KAT2A: variants seen among roughly 807,000 people sequenced by gnomAD.
KAT2A encodes histone acetyltransferase KAT2A.
A neutral mutation model predicts 95.2 loss-of-function variants in KAT2A; 42 were observed. The observed-to-expected ratio is 0.44, with a 90% CI of 0.34 to 0.57. KAT2A has a LOEUF of 0.57. Among genes scored for constraint, KAT2A ranks in the 20% least tolerant of loss-of-function variants. The pLI is 0.01. For missense variants in KAT2A, 784 were observed against 1,126.3 expected, an observed-to-expected ratio of 0.70 and a Z score of 4.35; for synonymous variants, 449 against 448.2, an observed-to-expected ratio of 1.00 and a Z score of -0.02.
In KAT2A at chr17:42,119,796, T is replaced by C. The variant is rs2054309903; in HGVS notation, c.700-78A>G. 1.6e-6 allele frequency: 2 copies of C among 1,283,144 alleles called. No individual in the cohort carries two copies. 79.5% of individuals were successfully genotyped at this position (1,283,144 alleles called of 1,614,324 possible). The stretch of plus-strand genomic sequence containing the variant: ...CAGGGCCTTCTTAGACAAAGGAAGA[T>C]GCTCCCTGGCCAGGGACAAGGTTCT... On this transcript the variant is annotated intron_variant, in intron 4 of 17. Transcript: ENST00000225916. The surrounding 1 kb of genome is among the most constrained non-coding windows in gnomAD (Gnocchi z 5.3).
rs200535317 is a variant in KAT2A, at chr17:42,113,697, C to T, written c.2466G>A (p.Glu822=). 18 of 1,611,560 alleles carry T rather than the reference C, an allele frequency of 1.1e-5. No homozygotes were observed. In the African/African-American group the frequency reaches 2.3e-4, roughly 20 times the overall value. Residue 822 remains glutamate (E), a synonymous_variant, in exon 18 of 18, where the codon GAG becomes GAA. Coordinates refer to ENST00000225916, the MANE Select transcript of KAT2A (RefSeq NM_021078.3). ...SEYCRCASAL[E]KFFYFKLKEG... ...CCTTGAGCTTGAAGTAGAAGAACTT[C>T]TCCAGGGCGCTGGCACAGCGGCAGT...
chr17:42,117,426 G>A lies in KAT2A; in HGVS notation c.1599C>T (p.Arg533=). The stretch of plus-strand genomic sequence containing the variant: ...GGCGGGCGATATACTCCTTAGGCAT[G>A]CGCGGCAGCTGGTGGGAAAAGACAT... The part of the protein sequence containing the change: ...LQNVFSHQLP[R]MPKEYIARLV... The change falls in exon 10 of 18, where the codon CGC becomes CGT. Residue 533 remains arginine (R), a synonymous_variant. Transcript: ENST00000225916. The surrounding 1 kb of genome is among the most constrained non-coding windows in gnomAD (Gnocchi z 8.9). The A allele has an allele frequency of 6.2e-7, 1 of 1,613,628 alleles. No homozygotes were observed.
rs2054311685 is a variant in KAT2A at position 42,119,902 on chromosome 17, CA to C, written c.699+127del. On this transcript the variant is annotated intron_variant, in intron 4 of 17. Coordinates refer to ENST00000225916, the MANE Select transcript of KAT2A (RefSeq NM_021078.3). The surrounding 1 kb of genome is among the most constrained non-coding windows in gnomAD (Gnocchi z 5.3). Reference sequence around the variant, plus strand: ...CACCATGCCCACCCTGAGGTTAGCACAAAACACCCTTCCTTCTCTGAACCTC... The same window carrying C: ...CACCATGCCCACCCTGAGGTTAGCACAAACACCCTTCCTTCTCTGAACCTC... The C allele has an allele frequency of 9.5e-7, 1 of 1,049,682 alleles. No homozygotes were observed. Among genetic ancestry groups the C allele is most frequent in the African/African-American group, 1.6e-5 (1 of 64,020 alleles). The allele number at this position is 1,049,682 out of a possible 1,614,324, so 65.0% of individuals were successfully genotyped here.
Position 42,114,659 on chromosome 17 carries a change from C to A in KAT2A, c.2020-55G>T. 6.7e-7 allele frequency: 1 copy of A among 1,498,742 alleles called. No homozygotes were observed. The highest frequency in any genetic ancestry group is 1.1e-5 in the South Asian group (1 of 88,502). The allele number at this position is 1,498,742 out of a possible 1,614,324, so 92.8% of individuals were successfully genotyped here. ...CTCCAGCCCCAACAACAACCCCTCC[C>A]AGGGCCACAGTCGGAGCCACTGGCT... On this transcript the variant is annotated intron_variant, in intron 13 of 17. Coordinates refer to ENST00000225916, the MANE Select transcript of KAT2A (RefSeq NM_021078.3). The surrounding 1 kb of genome is among the most constrained non-coding windows in gnomAD (Gnocchi z 6.0).
chr17:42,121,151 C>A lies in KAT2A; in HGVS notation c.154G>T (p.Ala52Ser). 1 of 1,470,570 alleles carries A rather than the reference C, an allele frequency of 6.8e-7. No individual in the cohort carries two copies. The highest frequency in any genetic ancestry group is 9.0e-7 in the Non-Finnish European group (1 of 1,105,006). 91.1% of individuals were successfully genotyped at this position (1,470,570 alleles called of 1,614,324 possible). A position where few individuals can be genotyped will look rare whatever the true frequency, so the allele number is the denominator to read the frequency against. ...GTCCCTGTGCTGCCGGCTGGGGCTG[C>A]AGCTGGGGCAGGGGCTGGTGCCGGG... ...PTPAPAPAPA[A>S]APAGSTGTGG... is the part of the protein sequence containing the mutation. Residue 52 changes from alanine (A) to serine (S), a missense_variant, in exon 1 of 18, where the codon GCA (alanine) becomes TCA (serine). Transcript: ENST00000225916.
Position 42,114,697 on chromosome 17 carries a change from C to T in KAT2A, c.2020-93G>A. 14 of 1,244,510 alleles carry T rather than the reference C, an allele frequency of 1.1e-5. No homozygotes were observed. Among genetic ancestry groups the T allele is most frequent in the Non-Finnish European group, 1.6e-5 (14 of 866,922 alleles). The allele number at this position is 1,244,510 out of a possible 1,614,324, so 77.1% of individuals were successfully genotyped here. ...GGAGCCACTGGCTGCACCCACCCAG[C>T]TGCAACGCCACCTAATCCAGCACCT... is the stretch of plus-strand genomic sequence containing the variant. On this transcript the variant is annotated intron_variant, in intron 13 of 17. Transcript: ENST00000225916. The surrounding 1 kb of genome is among the most constrained non-coding windows in gnomAD (Gnocchi z 6.0).
intron 6 of KAT2A, among the ~76,000 whole-genome samples, chr17:42,118,887 C>G (rs1241319049): frequency 6.6e-6 from 1 of 152,172 alleles, no homozygotes; most frequent in Non-Finnish European, 1.5e-5. Context: ...CAGAAAAGAC[C>G]AGAACAGGAG....
chr17:42,120,667 A>T (rs2144043728), intron 2 of KAT2A, 39 bp downstream of exon 2: 1 of 1,612,414 alleles, frequency 6.2e-7, no homozygotes, highest in East Asian at 2.2e-5. Context: ...AGCAGGACCC[A>T]GCACCTGCCC....
Position 42,120,021 on chromosome 17 carries a change from CT to C in KAT2A, c.699+8del. 1 of 1,610,220 alleles carries C rather than the reference CT, an allele frequency of 6.2e-7. No homozygotes were observed. Among genetic ancestry groups the C allele is most frequent in the East Asian group, 2.2e-5 (1 of 44,874 alleles). ...CTCCTATCCGCTATCTCCAATTCCC[CT>C]ATCTCACCTGCTCAATATTAGGTTT... On this transcript the variant is annotated splice_region_variant and intron_variant, in intron 4 of 17. Coordinates refer to ENST00000225916, the MANE Select transcript of KAT2A (RefSeq NM_021078.3).
Position 42,118,122 on chromosome 17 carries a change from G to A in KAT2A, c.1181-105C>T, listed in dbSNP as rs2054288302. 3.7e-6 allele frequency: 3 copies of A among 817,396 alleles called. No individual in the cohort carries two copies. The Admixed American group carries it at 7.5e-5, about 20-fold the overall frequency. The allele number at this position is 817,396 out of a possible 1,614,324, so 50.6% of individuals were successfully genotyped here. On this transcript the variant is annotated intron_variant, in intron 7 of 17. Transcript: ENST00000225916. ...CTGAGGAGAGAGAGAGTCAGGGACG[G>A]GGGTGCTGAAGCTGAGGAGAGAGAG... is the stretch of plus-strand genomic sequence containing the variant.
intron 2 of KAT2A, 48 bp downstream of exon 2, chr17:42,120,658 G>C (rs1555667104): frequency 6.2e-7 from 1 of 1,611,720 alleles, no homozygotes; most frequent in Non-Finnish European, 8.5e-7. Flanking sequence ...CCCTGTCCAA[G>C]CAGGACCCAG....
At chr17:42,116,502 A>G (rs1435586313) in intron 11 of KAT2A, among the ~76,000 whole-genome samples, 1 of 152,086 alleles carries the variant, frequency 6.6e-6, no homozygotes, top group Non-Finnish European at 1.5e-5. Flanking sequence ...TGAATCACTT[A>G]AGGTCAGGAG....
chr17:42,119,512 C>A lies in KAT2A; in HGVS notation c.881+25G>T. 6.3e-7 allele frequency: 1 copy of A among 1,581,136 alleles called. No homozygotes were observed. The highest frequency in any genetic ancestry group is 1.2e-5 in the South Asian group (1 of 86,832). ...CCAGGCTGGGCCTGCAAGCCTCCCC[C>A]GAAGCTGCCCCTGGCTGGGCCTACC... is the stretch of plus-strand genomic sequence containing the variant. On this transcript the variant is annotated intron_variant, in intron 5 of 17. Transcript: ENST00000225916. The surrounding 1 kb of genome is among the most constrained non-coding windows in gnomAD (Gnocchi z 5.3).
At position 42,120,136 on chromosome 17, in the gene KAT2A, G is replaced by A. The variant is rs782491334; in HGVS notation, c.610-17C>T. ...CCGCAGTAGCTAGAGAGAAGAGGAA[G>A]GGGGCATAGAGGGGAGGGGGGCAGA... On this transcript the variant is annotated splice_polypyrimidine_tract_variant and intron_variant, in intron 3 of 17. Coordinates refer to ENST00000225916, the MANE Select transcript of KAT2A (RefSeq NM_021078.3). The A allele has an allele frequency of 3.1e-6, 5 of 1,613,916 alleles. No individual in the cohort carries two copies. In the African/African-American group the frequency reaches 4.0e-5, roughly 13 times the overall value.
chr17:42,113,881 G>A (rs1253086221), intron 17 of KAT2A, 39 bp from the exon 18 acceptor site: 1 of 1,527,256 alleles, frequency 6.5e-7, no homozygotes, highest in Non-Finnish European at 8.8e-7. Flanking sequence ...TTAAGAGGCT[G>A]AAGACCACGG....
Position 42,117,245 on chromosome 17 carries a change from T to C in KAT2A, c.1638-84A>G. ...CTGGAAGTCTGAGCTGTAGTCAGGG[T>C]TGGGCAGTGAGAAGTAAGAATGCTC... is the stretch of plus-strand genomic sequence containing the variant. On this transcript the variant is annotated intron_variant, in intron 10 of 17. Transcript: ENST00000225916. This position sits in a 1 kb window ranked among gnomAD's most constrained non-coding sequence, Gnocchi z 8.9. 1 of 1,583,610 alleles carries C rather than the reference T, an allele frequency of 6.3e-7. No homozygotes were observed. The highest frequency in any genetic ancestry group is 1.3e-5 in the African/African-American group (1 of 74,338).
Position 42,114,526 on chromosome 17 carries a change from C to A in KAT2A, c.2098G>T (p.Val700Leu). The change falls in exon 14 of 18, where the codon GTG (valine) becomes TTG (leucine). Residue 700 changes from valine (V) to leucine (L), a missense_variant. Physicochemically the swap from Val to Leu is conservative, Grantham distance 32 (BLOSUM62 1). This residue lies in a region of KAT2A where 195 missense variants were observed against 247.1 expected (regional missense o/e 0.79). Transcript: ENST00000225916. This position sits in a 1 kb window ranked among gnomAD's most constrained non-coding sequence, Gnocchi z 6.0. ...ACGCTCTCCACAGGGATCTGCCTCA[C>A]GCCCTCCTTGAAGCAGCTGAGCCCC... ...YPGLSCFKEG[V>L]RQIPVESVPG... is the part of the protein sequence containing the mutation. 1 of 1,614,140 alleles carries A rather than the reference C, an allele frequency of 6.2e-7. No homozygotes were observed. The highest frequency in any genetic ancestry group is 8.5e-7 in the Non-Finnish European group (1 of 1,180,000).
chr17:42,114,613 A>C lies in KAT2A; in HGVS notation c.2020-9T>G. ...ATCAGCTTCTTGATGATCTGAGGGA[A>C]GGAAGGGACTGAGGGGCCAACTCCA... On this transcript the variant is annotated splice_polypyrimidine_tract_variant and intron_variant, in intron 13 of 17. Transcript: ENST00000225916. The surrounding 1 kb of genome is among the most constrained non-coding windows in gnomAD (Gnocchi z 6.0). 6.2e-7 allele frequency: 1 copy of C among 1,610,888 alleles called. No homozygotes were observed. The highest frequency in any genetic ancestry group is 1.3e-5 in the African/African-American group (1 of 74,940).
chr17:42,120,917 C>A (rs2054327170), intron 1 of KAT2A, 49 bp downstream of exon 1: 1 of 1,553,494 alleles, frequency 6.4e-7, no homozygotes, highest in East Asian at 2.4e-5. Flanking sequence ...CCCACCAGAG[C>A]CCTGGGATGC....
Sources: allele counts gnomAD v4.1 joint callset (sites outside exome capture counted in the v4.1 genomes callset), GRCh38; gene constraint gnomAD v4.1.1; regional missense constraint gnomAD v4.1.1; non-coding constraint Gnocchi (gnomAD v3.1); transcripts MANE v1.5; gene names NCBI Gene and HGNC (gene_info 2026-07-23, HGNC 2026-07-21).